Variants in CEP350 observed in about 807,000 individuals in gnomAD.
CEP350 encodes centrosome-associated protein 350.
A neutral mutation model predicts 331.8 loss-of-function variants in CEP350; 126 were observed. That is an observed-to-expected ratio of 0.38 (90% CI 0.33 to 0.44). CEP350 has a LOEUF of 0.44. Among genes scored for constraint, CEP350 ranks in the 20% least tolerant of loss-of-function variants. CEP350 has a pLI of 1.00. For missense variants in CEP350, 3,406 were observed against 3,634.6 expected (o/e 0.94, Z 1.62); for synonymous variants, 1,200 against 1,259.5 (o/e 0.95, Z 1.00).
rs1325337939 is a variant in CEP350 at position 180,020,693 on chromosome 1, A to G, written c.2919A>G (p.Ile973Met). Residue 973 changes from isoleucine (I) to methionine (M), a missense_variant, in exon 12 of 38, where the codon ATA (isoleucine) becomes ATG (methionine). Coordinates refer to ENST00000367607, the MANE Select transcript of CEP350 (RefSeq NM_014810.5). ...CCTGTTCTCAAGACAAAGCCAAAAT[A>G]TCTCTTGGTTCCAGCATAGATTCAG... ...MQACSQDKAK[I>M]SLGSSIDSVS... The G allele has an allele frequency of 1.9e-6, 3 of 1,613,818 alleles. No homozygotes were observed. The highest frequency in any genetic ancestry group is 2.5e-6 in the Non-Finnish European group (3 of 1,179,862).
At chr1:180,103,775 G>A (rs994136848) in intron 37 of CEP350, among the ~76,000 whole-genome samples, 2 of 151,754 alleles carry the variant, frequency 1.3e-5, no homozygotes, top group African/African-American at 4.8e-5. Flanking sequence ...GACATCTTTG[G>A]CCTTAATTCT....
Position 180,062,224 on chromosome 1 carries a change from A to G in CEP350, c.5267A>G (p.Glu1756Gly), listed in dbSNP as rs2149007661. ...TCTTAACTCTTTAAACCTTAGGCAG[A>G]AATAAAACGTCTTCAAGAAGCCAAT... ...LLLRLQQEKA[E>G]IKRLQEANKA... Residue 1756 changes from glutamate (E) to glycine (G), a missense_variant, in exon 26 of 38, where the codon GAA (glutamate) becomes GGA (glycine). Physicochemically the swap from Glu to Gly is moderately conservative, Grantham distance 98. This residue lies in a region of CEP350 where 1,415 missense variants were observed against 1,512.3 expected (regional missense o/e 0.94). Coordinates refer to ENST00000367607, the MANE Select transcript of CEP350 (RefSeq NM_014810.5). 1 of 1,608,766 alleles carries G rather than the reference A, an allele frequency of 6.2e-7. No individual in the cohort carries two copies. Among genetic ancestry groups the G allele is most frequent in the South Asian group, 1.1e-5 (1 of 90,006 alleles).
Position 180,093,943 on chromosome 1 carries a change from A to T in CEP350, c.7838A>T (p.Tyr2613Phe). 6.2e-7 allele frequency: 1 copy of T among 1,613,882 alleles called. No individual in the cohort carries two copies. The highest frequency in any genetic ancestry group is 8.5e-7 in the Non-Finnish European group (1 of 1,179,836). Residue 2613 changes from tyrosine (Y) to phenylalanine (F), a missense_variant, in exon 34 of 38, where the codon TAT (tyrosine) becomes TTT (phenylalanine). Transcript: ENST00000367607. ...GAAAAGGATGTCAGTGAATATTTTT[A>T]TGAGAAATCCCTACCTAGTGTGAAT... ...DREKDVSEYF[Y>F]EKSLPSVNDI...
chr1:179,964,357 C>T (rs1650838379), intron 1 of CEP350, among the ~76,000 whole-genome samples: 3 of 151,952 alleles, frequency 2.0e-5, no homozygotes, highest in South Asian at 2.1e-4. Flanking sequence ...CGTAAGAGTG[C>T]ACATCCTTGT....
chr1:179,983,894 A>G (rs912223953), intron 1 of CEP350, among the ~76,000 whole-genome samples: 1 of 152,238 alleles, frequency 6.6e-6, no homozygotes, highest in Non-Finnish European at 1.5e-5. Context: ...CACTAAGGTT[A>G]AGATATAGAG....
At chr1:180,041,538 T>C in intron 18 of CEP350, 124 bp from the exon 19 acceptor site, 2 of 968,038 alleles carry the variant, frequency 2.1e-6, no homozygotes, top group Non-Finnish European at 3.0e-6. Flanking sequence ...AACCATGAAA[T>C]CCAGATTGTA....
intron 5 of CEP350, among the ~76,000 whole-genome samples, chr1:179,993,180 A>C (rs928515507): frequency 1.3e-5 from 2 of 152,092 alleles, no homozygotes; most frequent in Admixed American, 6.5e-5. Flanking sequence ...AAGCACTAGA[A>C]GTGCTGGAAA....
chr1:180,112,114 A>T lies in CEP350; in HGVS notation c.*953A>T, dbSNP rs560301969. On this transcript the variant is annotated 3_prime_UTR_variant, in exon 38 of 38. Transcript: ENST00000367607. ...ATGAGTGTGTGCACCAAAGACAAAAAGATATTGTCTATTGTTTGTGTGCTT... is the reference window on the plus strand; with the variant it reads ...ATGAGTGTGTGCACCAAAGACAAAATGATATTGTCTATTGTTTGTGTGCTT... The T allele has an allele frequency of 3.9e-5, 6 of 152,784 alleles. No homozygotes were observed. In the South Asian group the frequency reaches 1.0e-3, roughly 26 times the overall value. 9.5% of individuals were successfully genotyped at this position (152,784 alleles called of 1,614,324 possible).
At chr1:180,001,672 C>G (rs182917506) in intron 6 of CEP350, among the ~76,000 whole-genome samples, 1 of 152,322 alleles carries the variant, frequency 6.6e-6, no homozygotes, top group African/African-American at 2.4e-5. Flanking sequence ...CTGTTTTCCA[C>G]ACTTTGGACA....
At chr1:179,955,654 G>C (rs1038591804) in intron 1 of CEP350, among the ~76,000 whole-genome samples, 1 of 152,204 alleles carries the variant, frequency 6.6e-6, no homozygotes, top group Non-Finnish European at 1.5e-5. Context: ...AAGGCTTTAT[G>C]TTTTGGAAGT....
At chr1:180,011,197 G>A (rs1166269545) in intron 8 of CEP350, among the ~76,000 whole-genome samples, 1 of 152,122 alleles carries the variant, frequency 6.6e-6, no homozygotes, top group African/African-American at 2.4e-5. Flanking sequence ...TAGAAAAGTA[G>A]TGTGTACTTT....
At chr1:180,103,210 C>T (rs1572006367) in intron 37 of CEP350, among the ~76,000 whole-genome samples, 1 of 152,340 alleles carries the variant, frequency 6.6e-6, no homozygotes, top group East Asian at 1.9e-4. Flanking sequence ...CCAGTGCCAT[C>T]TTGCCTGCTC....
intron 30 of CEP350, among the ~76,000 whole-genome samples, 199 bp from the exon 31 acceptor site, chr1:180,083,819 T>A (rs988920818): frequency 1.3e-5 from 2 of 151,878 alleles, no homozygotes; most frequent in Non-Finnish European, 2.9e-5. Flanking sequence ...AAAAATAAAG[T>A]GTATGTGGCG....
At chr1:179,980,639 C>T (rs1277867314) in intron 1 of CEP350, among the ~76,000 whole-genome samples, 1 of 151,984 alleles carries the variant, frequency 6.6e-6, no homozygotes, top group African/African-American at 2.4e-5. Flanking sequence ...AGGAAAAGCT[C>T]ATTCATGGAT....
chr1:179,964,160 G>T (rs1282913232), intron 1 of CEP350, among the ~76,000 whole-genome samples: 4 of 152,114 alleles, frequency 2.6e-5, no homozygotes, highest in South Asian at 2.1e-4. Context: ...ACTGTTGTAA[G>T]TTGATTTTGC....
intron 6 of CEP350, among the ~76,000 whole-genome samples, chr1:179,997,810 A>G (rs1396703827): frequency 2.0e-5 from 3 of 152,304 alleles, no homozygotes; most frequent in Non-Finnish European, 4.4e-5. Flanking sequence ...AATTATTTCA[A>G]AAGTAATATT....
chr1:180,084,309 C>A, intron 31 of CEP350, 131 bp downstream of exon 31: 1 of 826,860 alleles, frequency 1.2e-6, no homozygotes, highest in Non-Finnish European at 1.7e-6. Flanking sequence ...ATTTTATTCT[C>A]TTAAAAAAAA....
rs1304567187 is a variant in CEP350 at position 180,111,255 on chromosome 1, T to C, written c.*94T>C. 2 of 1,435,070 alleles carry C rather than the reference T, an allele frequency of 1.4e-6. No individual in the cohort carries two copies. Among genetic ancestry groups the C allele is most frequent in the African/African-American group, 1.4e-5 (1 of 71,268 alleles). The allele number at this position is 1,435,070 out of a possible 1,614,324, so 88.9% of individuals were successfully genotyped here. ...CCCATCGCCATCATAGCAAGAGTGCTTCTGGACCTTGTACTTATTCTTAAA... is the reference window on the plus strand; with the variant it reads ...CCCATCGCCATCATAGCAAGAGTGCCTCTGGACCTTGTACTTATTCTTAAA... On this transcript the variant is annotated 3_prime_UTR_variant, in exon 38 of 38. Coordinates refer to ENST00000367607, the MANE Select transcript of CEP350 (RefSeq NM_014810.5).
chr1:180,014,297 A>G lies in CEP350; in HGVS notation c.1844A>G (p.Lys615Arg). The part of the protein sequence containing the change: ...EERKRKQNEE[K>R]KAQKEATEQK... Reference sequence around the variant, plus strand: ...AGGAAGAGAAAGCAAAATGAAGAGAAGAAGGCTCAAAAGGAGGCTACAGAA... The same window carrying G: ...AGGAAGAGAAAGCAAAATGAAGAGAGGAAGGCTCAAAAGGAGGCTACAGAA... The change falls in exon 10 of 38, where the codon AAG becomes AGG. Residue 615 changes from lysine to arginine, a missense_variant. Around this residue, in one of 5 missense-constraint regions of CEP350, gnomAD observed 1,857 missense variants for 1,909.2 expected, o/e 0.97. Coordinates refer to ENST00000367607, the MANE Select transcript of CEP350 (RefSeq NM_014810.5). 4.4e-6 allele frequency: 7 copies of G among 1,596,068 alleles called. No individual in the cohort carries two copies. The highest frequency in any genetic ancestry group is 6.0e-6 in the Non-Finnish European group (7 of 1,171,030).
Sources: allele counts gnomAD v4.1 joint callset (sites outside exome capture counted in the v4.1 genomes callset), GRCh38; gene constraint gnomAD v4.1.1; regional missense constraint gnomAD v4.1.1; transcripts MANE v1.5; gene names NCBI Gene and HGNC (gene_info 2026-07-23, HGNC 2026-07-21).